Variants in ZNF710 observed in about 807,000 individuals in gnomAD.
ZNF710 encodes zinc finger protein 710.
ZNF710 carries 13 observed loss-of-function variants against 50.6 expected under a neutral mutation model. The observed-to-expected ratio is 0.26, with a 90% CI of 0.17 to 0.41. ZNF710 has a LOEUF of 0.41. Ranked by LOEUF, ZNF710 falls within the 10% of genes least tolerant of loss-of-function variation. The probability of loss-of-function intolerance (pLI) is 1.00; values close to 1 mark genes in which losing one functional copy is unlikely to be tolerated. For synonymous variants in ZNF710, 383 were observed against 397.0 expected, an observed-to-expected ratio of 0.96 and a Z score of 0.42; for missense variants, 721 against 936.6, an observed-to-expected ratio of 0.77 and a Z score of 3.01.
At chr15:90,033,137 C>T (rs1160880494) in intron 1 of ZNF710, among the ~76,000 whole-genome samples, 2 of 152,164 alleles carry the variant, frequency 1.3e-5, no homozygotes, top group Non-Finnish European at 2.9e-5. Flanking sequence ...TGTTTAGAAA[C>T]TTCTGTAGTT....
At chr15:90,007,009 G>T (rs572639832) in intron 1 of ZNF710, among the ~76,000 whole-genome samples, 1 of 152,244 alleles carries the variant, frequency 6.6e-6, no homozygotes, top group East Asian at 1.9e-4. Context: ...CCACCCCTGT[G>T]TTGCTGTTGA....
In ZNF710 at chr15:90,034,346, T is replaced by G. The variant is rs1315685893; in HGVS notation, c.-29+32732T>G. Among the ~76,000 whole-genome samples the G allele has an allele frequency of 6.6e-6, 1 of 152,086 alleles. No individual in the cohort carries two copies. The highest frequency in any genetic ancestry group is 2.4e-5 in the African/African-American group (1 of 41,420). On this transcript the variant is annotated intron_variant, in intron 1 of 4. Transcript: ENST00000268154. The surrounding 1 kb of genome is among the most constrained non-coding windows in gnomAD (Gnocchi z 4.0). Reference sequence around the variant, plus strand: ...CAGGAAAGGGAGGAATTCTTTGTGCTGTTTTGTCTATGTTATTTGAAAAAG... The same window carrying G: ...CAGGAAAGGGAGGAATTCTTTGTGCGGTTTTGTCTATGTTATTTGAAAAAG...
At chr15:90,024,502 A>G (rs1234408645) in intron 1 of ZNF710, among the ~76,000 whole-genome samples, 1 of 152,210 alleles carries the variant, frequency 6.6e-6, no homozygotes, top group African/African-American at 2.4e-5. Flanking sequence ...GAGAGGAGGA[A>G]GACCCCGGTG....
intron 1 of ZNF710, among the ~76,000 whole-genome samples, chr15:90,038,740 T>TGTGTGTGTGTGTGTGTGTGTGAGA (rs150950322): frequency 1.3e-5 from 2 of 148,642 alleles, no homozygotes; most frequent in Admixed American, 6.7e-5. Flanking sequence ...TGTGTGTGTG[T>TGTGTGTGTGTGTGTGTGTGTGAGA]GAGACATTGG....
chr15:90,000,890 C>G (rs950256339), upstream of ZNF710, among the ~76,000 whole-genome samples: 1 of 152,154 alleles, frequency 6.6e-6, no homozygotes, highest in African/African-American at 2.4e-5. Flanking sequence ...CCCCGGGCCC[C>G]CTTTGTACCG....
chr15:90,022,159 C>T (rs1443349595), intron 1 of ZNF710, among the ~76,000 whole-genome samples: 1 of 151,932 alleles, frequency 6.6e-6, no homozygotes, highest in South Asian at 2.1e-4. Flanking sequence ...GAGCGAATCA[C>T]GAGGTCAGGA....
chr15:90,018,010 C>T (rs1054885140), intron 1 of ZNF710, among the ~76,000 whole-genome samples: 1 of 151,956 alleles, frequency 6.6e-6, no homozygotes, highest in African/African-American at 2.4e-5. Flanking sequence ...TGTGAGCGCT[C>T]TGGACGTCCT....
chr15:90,058,056 G>A (rs1899879661), intron 1 of ZNF710, among the ~76,000 whole-genome samples: 1 of 152,186 alleles, frequency 6.6e-6, no homozygotes. Flanking sequence ...TCAGCTTATA[G>A]AAGCAGAGGC....
rs576114058 is a variant in ZNF710, at chr15:90,017,744, AG to A, written c.-29+16131del. Reference sequence around the variant, plus strand: ...GGAAAGTTTATACTCATCAGTGCCCAGTTGTTTGCAGAATTCGAGAATGGAT... The same window carrying A: ...GGAAAGTTTATACTCATCAGTGCCCATTGTTTGCAGAATTCGAGAATGGAT... On this transcript the variant is annotated intron_variant, in intron 1 of 4. Transcript: ENST00000268154. Among the ~76,000 whole-genome samples the A allele has an allele frequency of 1.8e-4, 28 of 152,188 alleles. No homozygotes were observed. The East Asian group carries it at 5.4e-3, about 29-fold the overall frequency.
In ZNF710 at chr15:90,055,969, T is replaced by C. The variant is rs1261955479; in HGVS notation, c.-28-11141T>C. Among the ~76,000 whole-genome samples the C allele has an allele frequency of 4.6e-5, 7 of 150,790 alleles. No homozygotes were observed. The East Asian group carries it at 1.4e-3, about 29-fold the overall frequency. ...GTCTCTACTAAAAAAATACAAAAAT[T>C]AGCCAGGCATAGTGGTGCACACCTG... On this transcript the variant is annotated intron_variant, in intron 1 of 4. Transcript: ENST00000268154.
intron 1 of ZNF710, among the ~76,000 whole-genome samples, chr15:90,018,129 C>T (rs1255160043): frequency 6.6e-6 from 1 of 151,474 alleles, no homozygotes; most frequent in South Asian, 2.1e-4. Context: ...GTTAGAATTT[C>T]TCTTCCAAAT....
At chr15:90,032,558 A>T (rs2151486263) in intron 1 of ZNF710, among the ~76,000 whole-genome samples, 1 of 152,060 alleles carries the variant, frequency 6.6e-6, no homozygotes, top group African/African-American at 2.4e-5. Context: ...CAGGAGGATC[A>T]CTTGAGGTCA....
At chr15:90,072,765 A>AC (rs1900433876) in intron 2 of ZNF710, among the ~76,000 whole-genome samples, 1 of 152,196 alleles carries the variant, frequency 6.6e-6, no homozygotes, top group Non-Finnish European at 1.5e-5. Flanking sequence ...GCCTTAGTGC[A>AC]CTAGTACAGA....
chr15:90,044,084 C>CA (rs1899383960), intron 1 of ZNF710, among the ~76,000 whole-genome samples: 1 of 152,140 alleles, frequency 6.6e-6, no homozygotes, highest in South Asian at 2.1e-4. Flanking sequence ...CAACAAACAA[C>CA]AAAAACCTGT....
In ZNF710 at chr15:90,059,323, T is replaced by G. The variant is rs1899929493; in HGVS notation, c.-28-7787T>G. Among the ~76,000 whole-genome samples the G allele has an allele frequency of 6.6e-6, 1 of 152,214 alleles. No individual in the cohort carries two copies. Among genetic ancestry groups the G allele is most frequent in the Non-Finnish European group, 1.5e-5 (1 of 68,034 alleles). On this transcript the variant is annotated intron_variant, in intron 1 of 4. Transcript: ENST00000268154. The surrounding 1 kb of genome is among the most constrained non-coding windows in gnomAD (Gnocchi z 4.1). ...GGGCAGCAAATGAAGGCATGGGCAG[T>G]GCATCCCGCCTACCAAAAGGCTGTG...
rs1186440873 is a variant in ZNF710 at position 90,059,835 on chromosome 15, G to A, written c.-28-7275G>A. 1.3e-5 allele frequency among the ~76,000 whole-genome samples: 2 copies of A among 152,214 alleles called. No individual in the cohort carries two copies. Among genetic ancestry groups the A allele is most frequent in the Non-Finnish European group, 2.9e-5 (2 of 68,020 alleles). On this transcript the variant is annotated intron_variant, in intron 1 of 4. Coordinates refer to ENST00000268154, the MANE Select transcript of ZNF710 (RefSeq NM_198526.4). The surrounding 1 kb of genome is among the most constrained non-coding windows in gnomAD (Gnocchi z 4.1). ...GGAAACCAAGAGGCTGGTTTCCTTAGGCGGTGAAATCCCGTGCATGTTTTT... is the reference window on the plus strand; with the variant it reads ...GGAAACCAAGAGGCTGGTTTCCTTAAGCGGTGAAATCCCGTGCATGTTTTT...
At chr15:90,005,554 T>C (rs566843435) in intron 1 of ZNF710, among the ~76,000 whole-genome samples, 1 of 152,200 alleles carries the variant, frequency 6.6e-6, no homozygotes, top group South Asian at 2.1e-4. Flanking sequence ...CTTCAAGCGA[T>C]TCTCCTGCCT....
chr15:90,004,178 A>G (rs1898082230), intron 1 of ZNF710, among the ~76,000 whole-genome samples: 1 of 152,206 alleles, frequency 6.6e-6, no homozygotes, highest in Non-Finnish European at 1.5e-5. Context: ...ACAAGGAGAC[A>G]GACAAGGTCT....
At chr15:90,046,419 T>C (rs1315712659) in intron 1 of ZNF710, among the ~76,000 whole-genome samples, 1 of 152,120 alleles carries the variant, frequency 6.6e-6, no homozygotes, top group Admixed American at 6.5e-5. Flanking sequence ...GTCCTATCCC[T>C]GCCCCGCAGA....
Sources: allele counts gnomAD v4.1 joint callset (sites outside exome capture counted in the v4.1 genomes callset), GRCh38; gene constraint gnomAD v4.1.1; non-coding constraint Gnocchi (gnomAD v3.1); transcripts MANE v1.5; gene names NCBI Gene and HGNC (gene_info 2026-07-23, HGNC 2026-07-21).